Variants in FCAR observed in about 807,000 individuals in gnomAD.
FCAR encodes Fc alpha receptor, also known as immunoglobulin alpha Fc receptor.
FCAR carries 21 observed loss-of-function variants against 27.1 expected under a neutral mutation model. The observed-to-expected ratio is 0.77, with a 90% CI of 0.55 to 1.11. FCAR has a LOEUF of 1.11. Ranked by LOEUF, FCAR falls within the 50% of genes most tolerant of loss-of-function variation. FCAR has a pLI of 0.00. For synonymous variants in FCAR, 134 were observed against 135.8 expected, an observed-to-expected ratio of 0.99 and a Z score of 0.09; for missense variants, 404 against 358.4, an observed-to-expected ratio of 1.13 and a Z score of -1.03.
At chr19:54,877,112 A>G (rs2066142359) in intron 2 of FCAR, among the ~76,000 whole-genome samples, 1 of 152,220 alleles carries the variant, frequency 6.6e-6, no homozygotes. Flanking sequence ...TGCTGGTCTC[A>G]TAGAATGAGC....
chr19:54,888,284 T>G lies in FCAR; in HGVS notation c.639T>G (p.Leu213=). 6.2e-7 allele frequency: 1 copy of G among 1,613,972 alleles called. No individual in the cohort carries two copies. The highest frequency in any genetic ancestry group is 8.5e-7 in the Non-Finnish European group (1 of 1,179,950). Residue 213 remains leucine, a synonymous_variant, in exon 4 of 5, where the codon CTT becomes CTG. Transcript: ENST00000355524. ...LWSFPSNALE[L]VVTDSIHQDY... ...CCTTCCCCAGTAATGCCTTGGAGCT[T>G]GTGGTCACAGGTAGGTACCGCCCAG...
intron 2 of FCAR, among the ~76,000 whole-genome samples, chr19:54,882,629 G>A (rs1452003913): frequency 6.6e-6 from 1 of 151,908 alleles, no homozygotes. Context: ...AGTAGAGCCC[G>A]GGTTTTGTCA....
rs758323699 is a variant in FCAR, at chr19:54,889,745, G to A, written c.746G>A (p.Trp249Ter). 1.2e-6 allele frequency: 2 copies of A among 1,614,072 alleles called. No individual in the cohort carries two copies. The highest frequency in any genetic ancestry group is 2.2e-5 in the South Asian group (2 of 91,070). Reference protein sequence around the residue: ...VALLAILVENWHSHTALNKEA... With the variant: ...VALLAILVEN The stretch of plus-strand genomic sequence containing the variant: ...CTCTTGGCCATACTGGTTGAAAATT[G>A]GCACAGCCATACGGCACTGAACAAG... Residue 249 changes from tryptophan to a stop codon, truncating the protein, a stop_gained, in exon 5 of 5, where the codon TGG becomes TAG. Coordinates refer to ENST00000355524, the MANE Select transcript of FCAR (RefSeq NM_002000.4). LOFTEE classifies it high-confidence loss of function.
In FCAR at chr19:54,879,056, T is replaced by C. The variant is rs192141545; in HGVS notation, c.70+3691T>C. 3.4e-5 allele frequency among the ~76,000 whole-genome samples: 5 copies of C among 147,844 alleles called. No individual in the cohort carries two copies. In the East Asian group the frequency reaches 1.0e-3, roughly 30 times the overall value. Reference sequence around the variant, plus strand: ...ACCACGCCCAGCTATTTTTTTTTTTTATTAGAGATGGGATTTCATCACATT... The same window carrying C: ...ACCACGCCCAGCTATTTTTTTTTTTCATTAGAGATGGGATTTCATCACATT... On this transcript the variant is annotated intron_variant, in intron 2 of 4. Coordinates refer to ENST00000355524, the MANE Select transcript of FCAR (RefSeq NM_002000.4).
At position 54,874,295 on chromosome 19, in the gene FCAR, C is replaced by T. The variant is rs569661269; in HGVS notation, c.6C>T (p.Asp2=). The change falls in exon 1 of 5, where the codon GAC becomes GAT. Residue 2 remains aspartate, a synonymous_variant. Transcript: ENST00000355524. ...GCTGAGGCCGTGTCAGCACGATGGACCCCAAACAGACCACCCTCCTGTGTC... is the reference window on the plus strand; with the variant it reads ...GCTGAGGCCGTGTCAGCACGATGGATCCCAAACAGACCACCCTCCTGTGTC... M[D]PKQTTLLCLV... is the part of the protein sequence containing the mutation. 6.2e-7 allele frequency: 1 copy of T among 1,614,018 alleles called. No homozygotes were observed. Among genetic ancestry groups the T allele is most frequent in the Admixed American group, 1.7e-5 (1 of 60,002 alleles).
intron 2 of FCAR, among the ~76,000 whole-genome samples, chr19:54,879,676 ATTTT>A (rs34625687): frequency 4.6e-5 from 6 of 129,188 alleles, no homozygotes; most frequent in Non-Finnish European, 3.3e-5. Flanking sequence ...GCCTTTTCAC[ATTTT>A]TTTTTTTTTT....
At position 54,889,964 on chromosome 19, in the gene FCAR, CTT is replaced by C. The variant is rs374427185; in HGVS notation, c.*114_*115del. The C allele has an allele frequency of 2.9e-3, 1,955 of 683,742 alleles. No individual in the cohort carries two copies. Among genetic ancestry groups the C allele is most frequent in the Non-Finnish European group, 3.2e-3 (1,373 of 422,470 alleles). The allele number at this position is 683,742 out of a possible 1,614,324, so 42.4% of individuals were successfully genotyped here. On this transcript the variant is annotated 3_prime_UTR_variant, in exon 5 of 5. Transcript: ENST00000355524. ...AAGCTCACTAAGAAGCTTGAATCTA[CTT>C]TTTTTTTTTTTTGAGACAGAGTCTG...
At chr19:54,885,969 G>A (rs1020779501) in intron 3 of FCAR, among the ~76,000 whole-genome samples, 2 of 152,108 alleles carry the variant, frequency 1.3e-5, no homozygotes, top group African/African-American at 4.8e-5. Context: ...AACAATCGCT[G>A]GGCGCGGTGG....
chr19:54,889,865 C>T lies in FCAR; in HGVS notation c.*2C>T. ...CGAACACCAAGTGTCTGCAAGTAAA[C>T]ACCTGGAGGTGAAGGCAGAGAGGAG... On this transcript the variant is annotated 3_prime_UTR_variant, in exon 5 of 5. Transcript: ENST00000355524. 6.3e-7 allele frequency: 1 copy of T among 1,596,872 alleles called. No homozygotes were observed. The highest frequency in any genetic ancestry group is 1.1e-5 in the South Asian group (1 of 90,980).
rs147036661 is a variant in FCAR, at chr19:54,875,336, G to C, written c.41G>C (p.Cys14Ser). ...KQTTLLCLVL[C>S]LGQRIQAQEG... ...ATAAATCTCTCTCTTCCAGTGCTCT[G>C]TCTGGGCCAGAGGATTCAGGCACAG... The change falls in exon 2 of 5, where the codon TGT becomes TCT. Residue 14 changes from cysteine (C) to serine (S), a missense_variant. By Grantham distance (112) the Cys-to-Ser change is moderately radical. Coordinates refer to ENST00000355524, the MANE Select transcript of FCAR (RefSeq NM_002000.4). 2.9e-4 allele frequency: 472 copies of C among 1,613,788 alleles called. 1 individual carries two copies. The African/African-American group carries it at 5.4e-3, about 19-fold the overall frequency.
At chr19:54,884,918 T>C (rs2066617775) in intron 2 of FCAR, among the ~76,000 whole-genome samples, 1 of 152,084 alleles carries the variant, frequency 6.6e-6, no homozygotes, top group Admixed American at 6.6e-5. Context: ...GCCATTCTCC[T>C]GCCCCAATCT....
intron 1 of FCAR, among the ~76,000 whole-genome samples, 184 bp downstream of exon 1, chr19:54,874,507 T>C (rs1391191733): frequency 2.0e-5 from 3 of 152,114 alleles, no homozygotes; most frequent in African/African-American, 7.2e-5. Flanking sequence ...CCAAGCTAGC[T>C]TGTGGGGCTC....
intron 2 of FCAR, among the ~76,000 whole-genome samples, chr19:54,883,595 C>T (rs587736416): frequency 1.2e-4 from 18 of 152,288 alleles, no homozygotes; most frequent in African/African-American, 3.1e-4. Flanking sequence ...CGCCACCTAA[C>T]GTGGTGAGTC....
chr19:54,876,475 C>T (rs754784008), intron 2 of FCAR, among the ~76,000 whole-genome samples: 4 of 152,120 alleles, frequency 2.6e-5, no homozygotes, highest in Non-Finnish European at 4.4e-5. Context: ...TGTCATACAT[C>T]ATTCTTATTA....
chr19:54,886,691 G>T lies in FCAR; in HGVS notation c.361+1166G>T, dbSNP rs181906502. Among the ~76,000 whole-genome samples the T allele has an allele frequency of 9.2e-3, 1,406 of 152,148 alleles. 21 individuals carry two copies. Among genetic ancestry groups the T allele is most frequent in the African/African-American group, 0.03 (1,261 of 41,520 alleles). On this transcript the variant is annotated intron_variant, in intron 3 of 4. Transcript: ENST00000355524. ...TTCCAGGCGTGAGCCACCGTGCCCG[G>T]CAGGTGTCATGTATCTTTAGGTTTG...
chr19:54,877,041 G>T (rs921772279), intron 2 of FCAR, among the ~76,000 whole-genome samples: 1 of 152,178 alleles, frequency 6.6e-6, no homozygotes, highest in Non-Finnish European at 1.5e-5. Flanking sequence ...GTTCAACAAG[G>T]ATATTGTCCT....
rs777340017 is a variant in FCAR, at chr19:54,888,201, A to G, written c.556A>G (p.Asn186Asp). 1.2e-6 allele frequency: 2 copies of G among 1,614,126 alleles called. No homozygotes were observed. The highest frequency in any genetic ancestry group is 2.2e-5 in the South Asian group (2 of 91,082). The part of the protein sequence containing the change: ...ANFSLGPVDL[N>D]VSGIYRCYGW... The stretch of plus-strand genomic sequence containing the variant: ...CTTCTCTTTGGGTCCTGTGGACCTC[A>G]ATGTCTCAGGGATCTACAGGTGCTA... The change falls in exon 4 of 5, where the codon AAT (asparagine) becomes GAT (aspartate). Residue 186 changes from asparagine to aspartate, a missense_variant. Asn to Asp is a conservative substitution (Grantham distance 23). Transcript: ENST00000355524.
chr19:54,886,147 C>T (rs2066708618), intron 3 of FCAR, among the ~76,000 whole-genome samples: 1 of 151,378 alleles, frequency 6.6e-6, no homozygotes, highest in African/African-American at 2.4e-5. Flanking sequence ...ACTTGGGAGG[C>T]TGAGGCAGGA....
chr19:54,884,714 T>G (rs1446875250), intron 2 of FCAR, among the ~76,000 whole-genome samples: 2 of 151,948 alleles, frequency 1.3e-5, no homozygotes, highest in East Asian at 3.9e-4. Context: ...AAAAACTGCC[T>G]ATTGGGTACT....
Sources: allele counts gnomAD v4.1 joint callset (sites outside exome capture counted in the v4.1 genomes callset), GRCh38; gene constraint gnomAD v4.1.1; transcripts MANE v1.5; gene names NCBI Gene and HGNC (gene_info 2026-07-23, HGNC 2026-07-21).